The following CAB39L variants were observed in gnomAD, a reference collection of about 807,000 sequenced individuals.
CAB39L encodes calcium binding protein 39 like.
In CAB39L, 23 loss-of-function variants were observed where a neutral mutation model predicts 39.1. The ratio of observed to expected loss-of-function variants is 0.59; its 90% CI spans 0.42 to 0.83. The LOEUF (loss-of-function observed/expected upper bound fraction) is 0.83, where lower values mean the gene tolerates loss of function less well. Ranked by LOEUF, CAB39L falls within the 40% of genes least tolerant of loss-of-function variation. CAB39L has a pLI of 0.00. For synonymous variants in CAB39L, 126 were observed against 137.2 expected (o/e 0.92, Z 0.57); for missense variants, 366 against 391.9 (o/e 0.93, Z 0.56).
At chr13:49,427,936 G>T (rs1314854603) in intron 3 of CAB39L, among the ~76,000 whole-genome samples, 1 of 152,032 alleles carries the variant, frequency 6.6e-6, no homozygotes, top group Admixed American at 6.6e-5. Context: ...CTCTTACAAG[G>T]ACACTAATCT....
At position 49,309,563 on chromosome 13, in the gene CAB39L, G is replaced by C. The variant is rs76204474; in HGVS notation, c.*1251C>G. ...GTGCCTTTCATTCTTGTAAAATATC[G>C]CTTTAAAATCCCGTTTTAGATGGTT... is the stretch of plus-strand genomic sequence containing the variant. On this transcript the variant is annotated 3_prime_UTR_variant, in exon 11 of 11. Transcript: ENST00000409308. 6.6e-6 allele frequency: 1 copy of C among 152,082 alleles called. No homozygotes were observed. Among genetic ancestry groups the C allele is most frequent in the Non-Finnish European group, 1.5e-5 (1 of 68,014 alleles). 9.4% of individuals were successfully genotyped at this position (152,082 alleles called of 1,614,324 possible). A position where few individuals can be genotyped will look rare whatever the true frequency, so the allele number is the denominator to read the frequency against.
At chr13:49,373,694 C>A (rs1250946270) in intron 5 of CAB39L, among the ~76,000 whole-genome samples, 1 of 152,218 alleles carries the variant, frequency 6.6e-6, no homozygotes, top group Non-Finnish European at 1.5e-5. Context: ...TTACTACATT[C>A]ATTCAAACAA....
chr13:49,362,987 A>G (rs1306479658), intron 5 of CAB39L, among the ~76,000 whole-genome samples: 4 of 152,200 alleles, frequency 2.6e-5, no homozygotes, highest in Admixed American at 6.5e-5. Flanking sequence ...ACCCTAGTAT[A>G]TCTGGCAAAA....
chr13:49,439,824 CTGA>C (rs1459875210), intron 1 of CAB39L, among the ~76,000 whole-genome samples: 1 of 150,824 alleles, frequency 6.6e-6, no homozygotes, highest in Non-Finnish European at 1.5e-5. Context: ...TTGCATTTCT[CTGA>C]TGATTAGTGA....
rs76614091 is a variant in CAB39L at position 49,428,334 on chromosome 13, T to C, written c.-32+4984A>G. On this transcript the variant is annotated intron_variant, in intron 3 of 10. Coordinates refer to ENST00000409308, the MANE Select transcript of CAB39L (RefSeq NM_001079670.3). ...GTTCTTTGCTGTTTGGGCCTCTCCA[T>C]AGGGATGCTCACTTGACTAGCTTCT... 3.3e-3 allele frequency among the ~76,000 whole-genome samples: 504 copies of C among 152,294 alleles called. 1 individual carries two copies. Among genetic ancestry groups the C allele is most frequent in the Non-Finnish European group, 6.1e-3 (418 of 68,008 alleles).
At chr13:49,439,750 T>C (rs1028376658) in intron 1 of CAB39L, among the ~76,000 whole-genome samples, 1 of 152,046 alleles carries the variant, frequency 6.6e-6, no homozygotes, top group Admixed American at 6.6e-5. Flanking sequence ...CATCTGTTGT[T>C]TTTTGACTTT....
At chr13:49,423,290 A>C (rs1202028503) in intron 3 of CAB39L, among the ~76,000 whole-genome samples, 3 of 152,216 alleles carry the variant, frequency 2.0e-5, no homozygotes, top group Non-Finnish European at 4.4e-5. Context: ...TGGTCCAATG[A>C]CCACATTTTG....
At chr13:49,348,777 G>A (rs985539606) in intron 7 of CAB39L, among the ~76,000 whole-genome samples, 1 of 152,182 alleles carries the variant, frequency 6.6e-6, no homozygotes, top group Non-Finnish European at 1.5e-5. Context: ...TGGCCTGGTT[G>A]CCTTTATAGA....
intron 3 of CAB39L, among the ~76,000 whole-genome samples, chr13:49,416,459 T>G (rs978637151): frequency 6.6e-6 from 1 of 152,222 alleles, no homozygotes; most frequent in Non-Finnish European, 1.5e-5. Flanking sequence ...ATTTTTAAAC[T>G]GTGGATTACA....
At chr13:49,389,746 G>A (rs1956447478) in intron 3 of CAB39L, among the ~76,000 whole-genome samples, 1 of 152,204 alleles carries the variant, frequency 6.6e-6, no homozygotes, top group Non-Finnish European at 1.5e-5. Context: ...TTTTATTCCA[G>A]TTTATACTTT....
intron 3 of CAB39L, among the ~76,000 whole-genome samples, chr13:49,416,153 T>C (rs1957081741): frequency 6.6e-6 from 1 of 152,216 alleles, no homozygotes; most frequent in African/African-American, 2.4e-5. Flanking sequence ...ACTGTCTCAC[T>C]GTTCATGGAT....
At chr13:49,377,538 A>T (rs1956109369) in intron 4 of CAB39L, among the ~76,000 whole-genome samples, 2 of 82,308 alleles carry the variant, frequency 2.4e-5, no homozygotes, top group Admixed American at 1.0e-4. Flanking sequence ...AGTGCCTGCC[A>T]TTGCAGGCAC....
At chr13:49,413,105 GAAAAC>G (rs145967382) in intron 3 of CAB39L, 54,984 of 151,308 alleles carry the variant, frequency 0.36, 10,208 homozygotes, top group Middle Eastern at 0.42. Context: ...CAACTTTTGT[GAAAAC>G]AAAACAAAAC....
In CAB39L at chr13:49,310,699, A is replaced by G; in HGVS notation, c.*115T>C. The G allele has an allele frequency of 2.0e-6, 2 of 1,007,326 alleles. No homozygotes were observed. The highest frequency in any genetic ancestry group is 2.9e-6 in the Non-Finnish European group (2 of 681,698). 62.4% of individuals were successfully genotyped at this position (1,007,326 alleles called of 1,614,324 possible). On this transcript the variant is annotated 3_prime_UTR_variant, in exon 11 of 11. Coordinates refer to ENST00000409308, the MANE Select transcript of CAB39L (RefSeq NM_001079670.3). ...TACTCCATCTACCCAGAACAATTAC[A>G]GCAGAAAAAATAGGCACCTCCAAAG...
chr13:49,310,756 C>G lies in CAB39L; in HGVS notation c.*58G>C. On this transcript the variant is annotated 3_prime_UTR_variant, in exon 11 of 11. Coordinates refer to ENST00000409308, the MANE Select transcript of CAB39L (RefSeq NM_001079670.3). ...CAAGAATGATGACTTTCTGAAATGA[C>G]ACACTGTACAAACTGGACAAATGAG... is the stretch of plus-strand genomic sequence containing the variant. The G allele has an allele frequency of 6.5e-7, 1 of 1,527,084 alleles. No homozygotes were observed. The highest frequency in any genetic ancestry group is 8.9e-7 in the Non-Finnish European group (1 of 1,126,512). 94.6% of individuals were successfully genotyped at this position (1,527,084 alleles called of 1,614,324 possible). A position where few individuals can be genotyped will look rare whatever the true frequency, so the allele number is the denominator to read the frequency against.
intron 6 of CAB39L, among the ~76,000 whole-genome samples, chr13:49,351,966 C>G (rs1955369812): frequency 6.6e-6 from 1 of 152,096 alleles, no homozygotes; most frequent in East Asian, 1.9e-4. Context: ...TGGTTGACCA[C>G]ATTAGTTTTG....
At chr13:49,412,723 G>C (rs1188875206) in intron 3 of CAB39L, among the ~76,000 whole-genome samples, 4 of 152,168 alleles carry the variant, frequency 2.6e-5, no homozygotes, top group Non-Finnish European at 5.9e-5. Flanking sequence ...GGATGCAGGG[G>C]ATGGTTTCGG....
chr13:49,390,668 A>T (rs573623514), intron 3 of CAB39L, among the ~76,000 whole-genome samples: 1 of 152,364 alleles, frequency 6.6e-6, no homozygotes, highest in Non-Finnish European at 1.5e-5. Context: ...TGCTATGAAA[A>T]AGAAGTAAAC....
intron 10 of CAB39L, among the ~76,000 whole-genome samples, chr13:49,313,545 C>T (rs1954062672): frequency 6.6e-6 from 1 of 151,950 alleles, no homozygotes; most frequent in Admixed American, 6.5e-5. Context: ...CTCAGCAGGT[C>T]TGTGGTGGAT....
Sources: gnomAD v4.1 joint callset for allele counts (sites outside exome capture counted in the v4.1 genomes callset) on GRCh38, gnomAD v4.1.1 for gene constraint, MANE v1.5 for transcripts, NCBI Gene and HGNC (gene_info 2026-07-23, HGNC 2026-07-21) for gene names.